Variants in KCNIP4 observed in about 807,000 individuals in gnomAD.
The protein encoded by KCNIP4 is Kv channel-interacting protein 4.
KCNIP4 carries 12 observed loss-of-function variants against 34.0 expected under a neutral mutation model. The observed-to-expected ratio is 0.35, with a 90% CI of 0.23 to 0.57. KCNIP4 has a LOEUF of 0.57. Among genes scored for constraint, KCNIP4 ranks in the 20% least tolerant of loss-of-function variants. KCNIP4 has a pLI of 0.83. For missense variants in KCNIP4, 238 were observed against 311.7 expected, an observed-to-expected ratio of 0.76 and a Z score of 1.78; for synonymous variants, 124 against 102.2, an observed-to-expected ratio of 1.21 and a Z score of -1.29.
intron 1 of KCNIP4, among the ~76,000 whole-genome samples, chr4:21,426,551 T>G (rs1725944110): frequency 6.6e-6 from 1 of 152,188 alleles, no homozygotes; most frequent in African/African-American, 2.4e-5. Context: ...TGTGGTTTTT[T>G]TATTCTTTGA....
chr4:20,827,313 T>G (rs1240508445), intron 3 of KCNIP4, among the ~76,000 whole-genome samples: 1 of 152,150 alleles, frequency 6.6e-6, no homozygotes, highest in African/African-American at 2.4e-5. Context: ...GAGCAAGGCA[T>G]GGACGGGATT....
intron 1 of KCNIP4, among the ~76,000 whole-genome samples, chr4:21,284,183 A>T (rs1280565144): frequency 6.6e-6 from 1 of 151,958 alleles, no homozygotes; most frequent in African/African-American, 2.4e-5. Flanking sequence ...ACTGCACTCC[A>T]GCCTGGGCGA....
intron 1 of KCNIP4, among the ~76,000 whole-genome samples, chr4:21,787,213 G>T (rs566275955): frequency 7.2e-5 from 11 of 152,250 alleles, no homozygotes; most frequent in African/African-American, 2.2e-4. Flanking sequence ...TATAAAACAC[G>T]AATAAATTTC....
chr4:21,054,164 G>A (rs190374151), intron 1 of KCNIP4, among the ~76,000 whole-genome samples: 2 of 152,176 alleles, frequency 1.3e-5, no homozygotes, highest in African/African-American at 2.4e-5. Flanking sequence ...CAATATTGAA[G>A]GAGAAGAACA....
intron 1 of KCNIP4, among the ~76,000 whole-genome samples, chr4:20,883,920 G>A (rs1440307399): frequency 2.0e-5 from 3 of 152,106 alleles, no homozygotes; most frequent in African/African-American, 4.8e-5. Context: ...TATCGAGGAC[G>A]CCAAGTATGA....
chr4:21,686,121 A>T (rs180846784), intron 1 of KCNIP4, among the ~76,000 whole-genome samples: 1 of 152,324 alleles, frequency 6.6e-6, no homozygotes, highest in Admixed American at 6.5e-5. Flanking sequence ...TTAACATGTT[A>T]TAGAACAGGA....
At chr4:20,882,773 G>T in intron 1 of KCNIP4, 64 bp from the exon 2 acceptor site, 9 of 1,291,316 alleles carry the variant, frequency 7.0e-6, no homozygotes, top group Non-Finnish European at 2.2e-6. Context: ...GTGCTGCAGG[G>T]TTTATCAGAG....
chr4:20,998,624 G>A (rs1737788048), intron 1 of KCNIP4, among the ~76,000 whole-genome samples: 1 of 152,236 alleles, frequency 6.6e-6, no homozygotes, highest in African/African-American at 2.4e-5. Flanking sequence ...CTGAAAGAGT[G>A]AAGGGCTGAA....
At chr4:21,144,832 C>T (rs1247592027) in intron 1 of KCNIP4, among the ~76,000 whole-genome samples, 1 of 152,052 alleles carries the variant, frequency 6.6e-6, no homozygotes, top group Non-Finnish European at 1.5e-5. Flanking sequence ...CAGCATCTAC[C>T]ATCTCTTGTA....
chr4:20,757,875 A>T (rs1406930247), intron 4 of KCNIP4, among the ~76,000 whole-genome samples: 1 of 152,166 alleles, frequency 6.6e-6, no homozygotes, highest in South Asian at 2.1e-4. Context: ...CTCAGGTTCA[A>T]CTCATCTGGA....
At chr4:21,394,789 C>T (rs967905891) in intron 1 of KCNIP4, among the ~76,000 whole-genome samples, 45 of 152,124 alleles carry the variant, frequency 3.0e-4, no homozygotes, top group Non-Finnish European at 6.3e-4. Context: ...TGTCAATAAA[C>T]TTCACTTTTA....
chr4:21,346,859 C>T (rs997524774), intron 1 of KCNIP4, among the ~76,000 whole-genome samples: 3 of 152,106 alleles, frequency 2.0e-5, no homozygotes, highest in South Asian at 2.1e-4. Flanking sequence ...AAAAAGATGA[C>T]TCAATACTGC....
chr4:21,335,653 G>C (rs896155212), intron 1 of KCNIP4, among the ~76,000 whole-genome samples: 2 of 152,136 alleles, frequency 1.3e-5, no homozygotes, highest in African/African-American at 4.8e-5. Flanking sequence ...CATTTAAAAA[G>C]TATAAATCCA....
At chr4:21,652,653 T>C (rs1747591694) in intron 1 of KCNIP4, among the ~76,000 whole-genome samples, 2 of 152,202 alleles carry the variant, frequency 1.3e-5, no homozygotes. Flanking sequence ...ATGCTACAAG[T>C]GCCAGATTTC....
chr4:21,064,371 T>C (rs139488654), intron 1 of KCNIP4, among the ~76,000 whole-genome samples: 1 of 151,738 alleles, frequency 6.6e-6, no homozygotes, highest in East Asian at 1.9e-4. Context: ...ATAAAAATAG[T>C]GTGTTGGCAT....
chr4:21,736,588 G>A (rs533938147), intron 1 of KCNIP4, among the ~76,000 whole-genome samples: 4 of 152,176 alleles, frequency 2.6e-5, no homozygotes, highest in South Asian at 4.1e-4. Flanking sequence ...CCCATTCCTC[G>A]TTTTGACAAA....
chr4:21,021,042 C>G (rs994566326), intron 1 of KCNIP4, among the ~76,000 whole-genome samples: 2 of 151,914 alleles, frequency 1.3e-5, no homozygotes, highest in Admixed American at 1.3e-4. Flanking sequence ...CTTCCGCAAA[C>G]CTAGAAGGCA....
intron 1 of KCNIP4, among the ~76,000 whole-genome samples, chr4:21,240,118 G>T (rs1252832476): frequency 6.7e-6 from 1 of 149,544 alleles, no homozygotes; most frequent in Non-Finnish European, 1.5e-5. Flanking sequence ...GCAAACTATC[G>T]CAAAGACAAA....
chr4:21,518,062 G>A (rs923503268), intron 1 of KCNIP4, among the ~76,000 whole-genome samples: 1 of 152,126 alleles, frequency 6.6e-6, no homozygotes, highest in Non-Finnish European at 1.5e-5. Flanking sequence ...AATTGAACAT[G>A]AGATTTCCCA....
Sources: allele counts gnomAD v4.1 joint callset (sites outside exome capture counted in the v4.1 genomes callset), GRCh38; gene constraint gnomAD v4.1.1; transcripts MANE v1.5; gene names NCBI Gene and HGNC (gene_info 2026-07-23, HGNC 2026-07-21).